Variants in ARMC1 observed in about 807,000 individuals in gnomAD.
The protein encoded by ARMC1 is armadillo repeat containing 1, also known as armadillo repeat-containing protein 1.
In ARMC1, 16 loss-of-function variants were observed where a neutral mutation model predicts 31.4. That is an observed-to-expected ratio of 0.51 (90% CI 0.34 to 0.77). ARMC1 has a LOEUF of 0.77. Ranked by LOEUF, ARMC1 falls within the 30% of genes least tolerant of loss-of-function variation. ARMC1 has a pLI of 0.01. For missense variants in ARMC1, 259 were observed against 347.5 expected (o/e 0.75, Z 2.02); for synonymous variants, 114 against 118.9 (o/e 0.96, Z 0.27).
intron 1 of ARMC1, among the ~76,000 whole-genome samples, chr8:65,631,094 A>C (rs1011524194): frequency 6.6e-6 from 1 of 152,216 alleles, no homozygotes; most frequent in African/African-American, 2.4e-5. Flanking sequence ...AAGCTGACAG[A>C]AGCTGTGATT....
intron 1 of ARMC1, 154 bp downstream of exon 1, chr8:65,633,844 C>G (rs1808706280): frequency 6.6e-6 from 1 of 152,324 alleles, no homozygotes; most frequent in Non-Finnish European, 1.5e-5. Context: ...GGGGGTAGAG[C>G]GTGCTAAAGC....
intron 1 of ARMC1, among the ~76,000 whole-genome samples, chr8:65,632,104 A>G (rs1320744825): frequency 6.6e-6 from 1 of 152,164 alleles, no homozygotes; most frequent in African/African-American, 2.4e-5. Flanking sequence ...ATCTCTTTTA[A>G]ACATGGCTAT....
intron 3 of ARMC1, among the ~76,000 whole-genome samples, chr8:65,614,957 A>G (rs1036482090): frequency 2.6e-5 from 4 of 152,132 alleles, no homozygotes; most frequent in Non-Finnish European, 5.9e-5. Flanking sequence ...TATTTCTTTT[A>G]TAAGTATATG....
chr8:65,604,991 G>A (rs533632693), intron 6 of ARMC1, among the ~76,000 whole-genome samples: 1 of 152,124 alleles, frequency 6.6e-6, no homozygotes, highest in East Asian at 1.9e-4. Flanking sequence ...TTTATTTTTT[G>A]GATTGTCAGG....
In ARMC1 at chr8:65,604,296, T is replaced by C. The variant is rs1225925930; in HGVS notation, c.*98A>G. 1 of 1,193,314 alleles carries C rather than the reference T, an allele frequency of 8.4e-7. No homozygotes were observed. The highest frequency in any genetic ancestry group is 1.5e-5 in the African/African-American group (1 of 65,762). 73.9% of individuals were successfully genotyped at this position (1,193,314 alleles called of 1,614,324 possible). A position where few individuals can be genotyped will look rare whatever the true frequency, so the allele number is the denominator to read the frequency against. On this transcript the variant is annotated 3_prime_UTR_variant, in exon 7 of 7. Transcript: ENST00000276569. ...TGCGATCGTGTAATCTAAAAACTTT[T>C]CATGATAACTTATTGCAAATTGCAC... is the stretch of plus-strand genomic sequence containing the variant.
At chr8:65,606,025 A>C (rs1476143468) in intron 4 of ARMC1, among the ~76,000 whole-genome samples, 1 of 152,190 alleles carries the variant, frequency 6.6e-6, no homozygotes, top group Non-Finnish European at 1.5e-5. Context: ...GACAGAGACC[A>C]TCATGGTCTA....
intron 1 of ARMC1, among the ~76,000 whole-genome samples, chr8:65,628,978 A>C (rs530003090): frequency 1.3e-5 from 2 of 152,020 alleles, no homozygotes; most frequent in Non-Finnish European, 2.9e-5. Flanking sequence ...ACATGGTGAA[A>C]CCCTGTCTCT....
intron 3 of ARMC1, among the ~76,000 whole-genome samples, chr8:65,620,294 C>CTTTTTT (rs755112362): frequency 2.1e-4 from 19 of 90,176 alleles, no homozygotes; most frequent in Non-Finnish European, 3.1e-4. Flanking sequence ...ATTATTATTA[C>CTTTTTT]TTTTTTTTTT....
intron 1 of ARMC1, chr8:65,632,894 A>G (rs1808678768): frequency 6.6e-6 from 1 of 152,262 alleles, no homozygotes; most frequent in Non-Finnish European, 1.5e-5. Context: ...AAGACTTTTT[A>G]TACCTTTACT....
At chr8:65,628,128 G>A (rs1397986567) in intron 1 of ARMC1, among the ~76,000 whole-genome samples, 1 of 152,176 alleles carries the variant, frequency 6.6e-6, no homozygotes, top group Non-Finnish European at 1.5e-5. Flanking sequence ...TAGTCATAGA[G>A]AGGTTCAATA....
chr8:65,628,251 T>C (rs1808556296), intron 1 of ARMC1, among the ~76,000 whole-genome samples: 1 of 151,920 alleles, frequency 6.6e-6, no homozygotes, highest in African/African-American at 2.4e-5. Flanking sequence ...TTTCCTTGTT[T>C]GTTTTGTTTG....
At chr8:65,632,761 G>C (rs1808673739) in intron 1 of ARMC1, 1 of 152,434 alleles carries the variant, frequency 6.6e-6, no homozygotes, top group Non-Finnish European at 1.5e-5. Context: ...GGGAGGCGGA[G>C]GTTGCAGTGA....
rs1164077347 is a variant in ARMC1 at position 65,624,966 on chromosome 8, C to A, written c.183+2250G>T. 2.0e-5 allele frequency among the ~76,000 whole-genome samples: 3 copies of A among 152,036 alleles called. No individual in the cohort carries two copies. The South Asian group carries it at 6.2e-4, about 32-fold the overall frequency. ...TGAAAAACCGTCTCTACTAAAAATA[C>A]AAAAATTAGCCACATGTGATGGTGC... On this transcript the variant is annotated intron_variant, in intron 2 of 6. Coordinates refer to ENST00000276569, the MANE Select transcript of ARMC1 (RefSeq NM_018120.6).
At chr8:65,630,257 T>C (rs1808613654) in intron 1 of ARMC1, among the ~76,000 whole-genome samples, 1 of 152,204 alleles carries the variant, frequency 6.6e-6, no homozygotes, top group Non-Finnish European at 1.5e-5. Context: ...CCACTTTATA[T>C]TCATGAATCA....
At chr8:65,608,694 G>A (rs1808056656) in intron 4 of ARMC1, among the ~76,000 whole-genome samples, 1 of 151,968 alleles carries the variant, frequency 6.6e-6, no homozygotes, top group Admixed American at 6.6e-5. Context: ...GATCACTTGA[G>A]ATCAGGAGTT....
intron 2 of ARMC1, among the ~76,000 whole-genome samples, chr8:65,625,436 C>T (rs1808492527): frequency 6.6e-6 from 1 of 152,202 alleles, no homozygotes; most frequent in Admixed American, 6.5e-5. Context: ...ACAACTTTAT[C>T]ATTCTCCTCA....
intron 6 of ARMC1, 45 bp downstream of exon 6, chr8:65,605,218 A>C (rs749723555): frequency 6.6e-7 from 1 of 1,513,194 alleles, no homozygotes; most frequent in Non-Finnish European, 9.0e-7. Flanking sequence ...ATAAAAAATA[A>C]TTGAGAGTGA....
At chr8:65,619,709 C>T (rs1036799389) in intron 3 of ARMC1, among the ~76,000 whole-genome samples, 3 of 151,670 alleles carry the variant, frequency 2.0e-5, no homozygotes, top group Admixed American at 6.6e-5. Flanking sequence ...TTAGGCCAGG[C>T]GCAGTGACTC....
chr8:65,618,473 G>C (rs1346690013), intron 3 of ARMC1, among the ~76,000 whole-genome samples: 1 of 141,810 alleles, frequency 7.1e-6, no homozygotes, highest in Non-Finnish European at 1.5e-5. Context: ...AGTGAGCCAA[G>C]ATTGGGCCAC....
Sources: allele counts gnomAD v4.1 joint callset (sites outside exome capture counted in the v4.1 genomes callset), GRCh38; gene constraint gnomAD v4.1.1; transcripts MANE v1.5; gene names NCBI Gene and HGNC (gene_info 2026-07-23, HGNC 2026-07-21).